Variants in PDE4D observed in about 807,000 individuals in gnomAD.
The protein encoded by PDE4D is 3',5'-cyclic-AMP phosphodiesterase 4D.
Under a neutral mutation model 87.4 loss-of-function variants are expected in PDE4D, and 24 were observed. The observed-to-expected ratio is 0.27, with a 90% CI of 0.20 to 0.39. The LOEUF is 0.39. Among genes scored for constraint, PDE4D ranks in the 10% least tolerant of loss-of-function variants. The pLI, the probability that PDE4D is intolerant of heterozygous loss-of-function variation, is 1.00. For missense variants in PDE4D, 714 were observed against 1,041.0 expected (o/e 0.69, Z 4.32); for synonymous variants, 384 against 383.2 (o/e 1.00, Z -0.02).
intron 11 of PDE4D, among the ~76,000 whole-genome samples, chr5:58,987,500 C>G (rs961464621): frequency 6.6e-5 from 10 of 152,102 alleles, no homozygotes; most frequent in Non-Finnish European, 1.0e-4. Flanking sequence ...AATTAAATCT[C>G]TCAAAGCAAG....
chr5:59,242,426 TG>T (rs1262753730), intron 1 of PDE4D, among the ~76,000 whole-genome samples: 24 of 152,294 alleles, frequency 1.6e-4, no homozygotes, highest in African/African-American at 5.8e-4. Flanking sequence ...GAGCAACACC[TG>T]CTGCATTTGA....
At chr5:60,127,995 T>C (rs1172554385) in intron 2 of PDE4D, among the ~76,000 whole-genome samples, 1 of 152,076 alleles carries the variant, frequency 6.6e-6, no homozygotes, top group Non-Finnish European at 1.5e-5. Context: ...AACTGGGAGA[T>C]AGTTGCAATA....
chr5:58,995,156 CTTTG>C (rs1465912050), intron 6 of PDE4D, among the ~76,000 whole-genome samples: 2 of 152,074 alleles, frequency 1.3e-5, no homozygotes, highest in Non-Finnish European at 2.9e-5. Context: ...AAATTCACTT[CTTTG>C]TTCATATGTT....
chr5:59,676,602 G>A (rs955959690), intron 1 of PDE4D, among the ~76,000 whole-genome samples: 2 of 152,112 alleles, frequency 1.3e-5, no homozygotes, highest in Non-Finnish European at 2.9e-5. Context: ...AAACTATGCT[G>A]TGTTTCATAA....
intron 1 of PDE4D, among the ~76,000 whole-genome samples, chr5:60,228,660 T>G (rs572907300): frequency 2.8e-4 from 43 of 152,150 alleles, no homozygotes; most frequent in Non-Finnish European, 8.8e-5. Flanking sequence ...GCCTGGAAAT[T>G]TTTATTTTTG....
chr5:60,295,941 A>G (rs73104781), intron 1 of PDE4D, among the ~76,000 whole-genome samples: 8,372 of 152,270 alleles, frequency 0.055, 773 homozygotes, highest in African/African-American at 0.19. Flanking sequence ...TGGGAAGTCC[A>G]AGATCAAGGA....
chr5:59,846,961 G>A (rs1243064101), intron 1 of PDE4D, among the ~76,000 whole-genome samples: 1 of 151,952 alleles, frequency 6.6e-6, no homozygotes, highest in African/African-American at 2.4e-5. Context: ...CAAGGGCTGC[G>A]AGTTTTCAAC....
At chr5:59,570,881 T>A (rs978307169) in intron 1 of PDE4D, among the ~76,000 whole-genome samples, 80 of 152,242 alleles carry the variant, frequency 5.3e-4, no homozygotes, top group African/African-American at 1.8e-3. Flanking sequence ...AACAAAATAA[T>A]GGATTAGTCA....
intron 3 of PDE4D, among the ~76,000 whole-genome samples, chr5:59,939,351 A>G (rs2152796625): frequency 6.6e-6 from 1 of 152,314 alleles, no homozygotes; most frequent in Non-Finnish European, 1.5e-5. Flanking sequence ...CTCAACAAAT[A>G]TTTATCAGAG....
At chr5:59,159,147 A>C (rs1780661566) in intron 5 of PDE4D, among the ~76,000 whole-genome samples, 2 of 122,388 alleles carry the variant, frequency 1.6e-5, no homozygotes, top group African/African-American at 2.8e-5. Context: ...TCTGTGGTAC[A>C]GTCCTGAGAC....
intron 2 of PDE4D, among the ~76,000 whole-genome samples, chr5:60,087,227 C>T (rs1212793264): frequency 6.6e-6 from 1 of 152,118 alleles, no homozygotes; most frequent in Non-Finnish European, 1.5e-5. Context: ...AAATAACAGG[C>T]CAACATTGAA....
intron 2 of PDE4D, among the ~76,000 whole-genome samples, chr5:60,182,419 T>C (rs1343475960): frequency 6.6e-6 from 1 of 152,160 alleles, no homozygotes; most frequent in East Asian, 1.9e-4. Flanking sequence ...CTTAAGAATA[T>C]CAAATTCACC....
At chr5:59,135,782 G>T (rs1776972419) in intron 5 of PDE4D, among the ~76,000 whole-genome samples, 1 of 152,142 alleles carries the variant, frequency 6.6e-6, no homozygotes, top group African/African-American at 2.4e-5. Context: ...TCTGTTCAAA[G>T]ATATGTTTTG....
At chr5:59,353,536 C>T (rs1298279077) in intron 1 of PDE4D, among the ~76,000 whole-genome samples, 1 of 152,140 alleles carries the variant, frequency 6.6e-6, no homozygotes, top group African/African-American at 2.4e-5. Flanking sequence ...TAAATCAGCA[C>T]CTTGCCCTCA....
chr5:60,027,162 AACCTGTC>A (rs1308390133), intron 2 of PDE4D, among the ~76,000 whole-genome samples: 1 of 152,050 alleles, frequency 6.6e-6, no homozygotes, highest in Non-Finnish European at 1.5e-5. Context: ...TCTTCTATTG[AACCTGTC>A]ACCTAAATAG....
At chr5:59,144,463 G>A (rs1012926331) in intron 5 of PDE4D, among the ~76,000 whole-genome samples, 1 of 152,124 alleles carries the variant, frequency 6.6e-6, no homozygotes, top group Non-Finnish European at 1.5e-5. Flanking sequence ...AAGGGTAAAC[G>A]TATGTCTCCA....
chr5:59,591,133 G>GAT, intron 1 of PDE4D, among the ~76,000 whole-genome samples: 1 of 152,102 alleles, frequency 6.6e-6, no homozygotes, highest in Middle Eastern at 3.4e-3. Flanking sequence ...CTCAAAGTTT[G>GAT]ATAATACATA....
intron 1 of PDE4D, among the ~76,000 whole-genome samples, chr5:59,225,554 T>C (rs768008199): frequency 2.6e-5 from 4 of 152,146 alleles, no homozygotes; most frequent in Non-Finnish European, 5.9e-5. Context: ...TTGATGGAGA[T>C]TACATTGGAC....
chr5:59,124,373 G>A (rs917508852), intron 5 of PDE4D, among the ~76,000 whole-genome samples: 5 of 152,186 alleles, frequency 3.3e-5, no homozygotes, highest in Admixed American at 3.3e-4. Flanking sequence ...ATTTATACTC[G>A]AGTAGACCAT....
Sources: gnomAD v4.1 joint callset for allele counts (sites outside exome capture counted in the v4.1 genomes callset) on GRCh38, gnomAD v4.1.1 for gene constraint, MANE v1.5 for transcripts, NCBI Gene and HGNC (gene_info 2026-07-23, HGNC 2026-07-21) for gene names.